ASTN2: variants seen among roughly 807,000 people sequenced by gnomAD.
ASTN2 encodes the protein astrotactin-2.
A neutral mutation model predicts 139.8 loss-of-function variants in ASTN2; 54 were observed. The ratio of observed to expected loss-of-function variants is 0.39; its 90% CI spans 0.31 to 0.48. The LOEUF is 0.48. Among genes scored for constraint, ASTN2 ranks in the 20% least tolerant of loss-of-function variants. ASTN2 has a pLI of 0.95. For synonymous variants in ASTN2, 756 were observed against 719.5 expected (o/e 1.05, Z -0.81); for missense variants, 1,565 against 1,725.1 (o/e 0.91, Z 1.64).
chr9:116,992,449 AT>A (rs1219781506), intron 7 of ASTN2, among the ~76,000 whole-genome samples: 2 of 152,086 alleles, frequency 1.3e-5, no homozygotes, highest in Non-Finnish European at 2.9e-5. Flanking sequence ...TTCCCTCCAC[AT>A]TTAAGAGGGC....
At chr9:116,683,846 AAC>A (rs1379608450) in intron 16 of ASTN2, among the ~76,000 whole-genome samples, 4 of 152,224 alleles carry the variant, frequency 2.6e-5, no homozygotes, top group African/African-American at 9.6e-5. Context: ...TTTGTCTTGT[AAC>A]AGGACACAAC....
At chr9:116,736,067 G>A (rs1242587461) in intron 13 of ASTN2, among the ~76,000 whole-genome samples, 1 of 152,190 alleles carries the variant, frequency 6.6e-6, no homozygotes, top group Non-Finnish European at 1.5e-5. Flanking sequence ...AAGAAGTTAT[G>A]TAACTACCTA....
chr9:117,236,540 CCTT>C (rs1276157621), intron 2 of ASTN2, among the ~76,000 whole-genome samples: 1 of 152,222 alleles, frequency 6.6e-6, no homozygotes, highest in Non-Finnish European at 1.5e-5. Flanking sequence ...ATGTGATTCT[CCTT>C]CTGTGCTGGA....
intron 4 of ASTN2, among the ~76,000 whole-genome samples, chr9:117,098,113 A>G (rs1019624161): frequency 1.3e-5 from 2 of 152,212 alleles, no homozygotes; most frequent in Admixed American, 6.5e-5. Context: ...GTCTCTCTGT[A>G]ATATACACAT....
chr9:117,281,584 T>C (rs1587907880), intron 2 of ASTN2, among the ~76,000 whole-genome samples: 1 of 152,298 alleles, frequency 6.6e-6, no homozygotes, highest in East Asian at 1.9e-4. Context: ...TTTGTGTTGC[T>C]GTTAAAATAC....
chr9:116,753,522 C>G (rs1290347921), intron 13 of ASTN2, among the ~76,000 whole-genome samples: 3 of 152,096 alleles, frequency 2.0e-5, no homozygotes, highest in African/African-American at 7.2e-5. Flanking sequence ...AACTAATATT[C>G]AATCAATATT....
intron 4 of ASTN2, among the ~76,000 whole-genome samples, chr9:117,121,924 C>A (rs541586633): frequency 6.6e-6 from 1 of 152,284 alleles, no homozygotes; most frequent in East Asian, 1.9e-4. Flanking sequence ...TTGAGAACAG[C>A]AAGGGGGAAA....
intron 10 of ASTN2, among the ~76,000 whole-genome samples, chr9:116,927,755 T>G (rs1564344579): frequency 6.6e-6 from 1 of 152,186 alleles, no homozygotes; most frequent in Non-Finnish European, 1.5e-5. Context: ...GGAAATTTTC[T>G]GATGCATCTT....
At chr9:117,302,663 C>A (rs1244560889) in intron 1 of ASTN2, among the ~76,000 whole-genome samples, 1 of 152,108 alleles carries the variant, frequency 6.6e-6, no homozygotes, top group East Asian at 1.9e-4. Context: ...TGGATTCAGA[C>A]CTGACATGTA....
chr9:116,508,199 C>A (rs1014976968), intron 19 of ASTN2, among the ~76,000 whole-genome samples: 19 of 152,190 alleles, frequency 1.2e-4, no homozygotes, highest in African/African-American at 4.1e-4. Context: ...TAACAACTTT[C>A]TAAGCCTCAG....
intron 1 of ASTN2, among the ~76,000 whole-genome samples, chr9:117,358,559 G>A (rs141691060): frequency 2.0e-5 from 3 of 152,004 alleles, no homozygotes; most frequent in Non-Finnish European, 2.9e-5. Context: ...ATCACCCTGG[G>A]CACCATTTCT....
At chr9:116,577,674 A>G (rs192089994) in intron 19 of ASTN2, among the ~76,000 whole-genome samples, 2 of 152,370 alleles carry the variant, frequency 1.3e-5, no homozygotes, top group African/African-American at 4.8e-5. Context: ...TACTTAGTTT[A>G]TGCCAAGTGC....
chr9:116,611,115 TCAA>T (rs1855517330), intron 19 of ASTN2: 1 of 151,934 alleles, frequency 6.6e-6, no homozygotes, highest in African/African-American at 2.4e-5. Context: ...GAATCAAAAA[TCAA>T]CAACAAAAAT....
chr9:116,631,809 T>C (rs1470117469), intron 17 of ASTN2, among the ~76,000 whole-genome samples: 2 of 152,120 alleles, frequency 1.3e-5, no homozygotes, highest in Non-Finnish European at 2.9e-5. Context: ...ATACATTGCA[T>C]GCATGTATCA....
chr9:117,161,070 T>C (rs1390753062), intron 3 of ASTN2, among the ~76,000 whole-genome samples: 2 of 152,082 alleles, frequency 1.3e-5, no homozygotes, highest in African/African-American at 4.8e-5. Context: ...CAAGGGATCT[T>C]ATCTATGTAA....
chr9:117,411,990 C>G (rs1226323556), intron 1 of ASTN2, among the ~76,000 whole-genome samples: 1 of 113,596 alleles, frequency 8.8e-6, no homozygotes, highest in Non-Finnish European at 1.9e-5. Context: ...CCCCTACCAC[C>G]ACCCCCACCT....
At chr9:117,049,711 CCTT>C (rs1343835292) in intron 5 of ASTN2, among the ~76,000 whole-genome samples, 14 of 152,134 alleles carry the variant, frequency 9.2e-5, no homozygotes, top group African/African-American at 2.2e-4. Flanking sequence ...ATGTCTGTAT[CCTT>C]CTTCTTCCCA....
Position 117,414,666 on chromosome 9 carries a change from C to T in ASTN2, c.273G>A (p.Gly91=), listed in dbSNP as rs1831277207. The T allele has an allele frequency of 7.9e-7, 1 of 1,266,256 alleles. No homozygotes were observed. The highest frequency in any genetic ancestry group is 9.9e-7 in the Non-Finnish European group (1 of 1,011,118). 78.4% of individuals were successfully genotyped at this position (1,266,256 alleles called of 1,614,324 possible). The change falls in exon 1 of 23, where the codon GGG becomes GGA. Residue 91 remains glycine, a synonymous_variant. Coordinates refer to ENST00000313400, the MANE Select transcript of ASTN2 (RefSeq NM_001365068.1). This position sits in a 1 kb window ranked among gnomAD's most constrained non-coding sequence, Gnocchi z 4.2. The stretch of plus-strand genomic sequence containing the variant: ...CGGCGGCTCCGGCCCCGGTCCCAGC[C>T]CCGGCCCCGGCGCGGGCGCCGCTCC... The part of the protein sequence containing the change: ...IGWSGARAGA[G]AGTGAGAAAA...
intron 2 of ASTN2, among the ~76,000 whole-genome samples, chr9:117,217,208 G>A (rs140291827): frequency 7.1e-4 from 108 of 152,302 alleles, no homozygotes; most frequent in African/African-American, 2.2e-3. Context: ...TGTGCAATGG[G>A]TGCATCTTCT....
Sources: allele counts gnomAD v4.1 joint callset (sites outside exome capture counted in the v4.1 genomes callset), GRCh38; gene constraint gnomAD v4.1.1; non-coding constraint Gnocchi (gnomAD v3.1); transcripts MANE v1.5; gene names NCBI Gene and HGNC (gene_info 2026-07-23, HGNC 2026-07-21).